Variants in UGT1A3 observed in about 807,000 individuals in gnomAD.
UGT1A3 encodes the protein UDP-glucuronosyltransferase 1A3.
Under a neutral mutation model 41.0 loss-of-function variants are expected in UGT1A3, and 31 were observed. That is an observed-to-expected ratio of 0.76 (90% confidence interval 0.57 to 1.02). The LOEUF is 1.02. Among genes scored for constraint, UGT1A3 ranks in the 50% least tolerant of loss-of-function variants. The pLI is 0.00. For synonymous variants in UGT1A3, 262 were observed against 257.6 expected (o/e 1.02, Z -0.17); for missense variants, 737 against 671.0 (o/e 1.10, Z -1.09).
chr2:233,731,057 C>A (rs1221719711), intron 1 of UGT1A3, among the ~76,000 whole-genome samples: 3 of 152,120 alleles, frequency 2.0e-5, no homozygotes, highest in Non-Finnish European at 4.4e-5. Context: ...TGTGTATGAA[C>A]TTCCATGATT....
intron 1 of UGT1A3, 122 bp from the exon 2 acceptor site, chr2:233,766,912 T>C: frequency 6.5e-7 from 1 of 1,532,250 alleles, no homozygotes; most frequent in African/African-American, 1.4e-5. Context: ...TTTTACTCTA[T>C]CTCAAACACG....
intron 1 of UGT1A3, among the ~76,000 whole-genome samples, chr2:233,738,606 A>G (rs1397968465): frequency 6.6e-6 from 1 of 152,228 alleles, no homozygotes; most frequent in Non-Finnish European, 1.5e-5. Flanking sequence ...AAGCTTTAGC[A>G]AAGAAACTCG....
chr2:233,744,522 T>A (rs1292521723), intron 1 of UGT1A3, among the ~76,000 whole-genome samples: 2 of 151,918 alleles, frequency 1.3e-5, no homozygotes, highest in Non-Finnish European at 2.9e-5. Context: ...CAATAGCAAA[T>A]CTTATTTTTA....
chr2:233,739,318 A>G (rs1691049780), intron 1 of UGT1A3, among the ~76,000 whole-genome samples: 1 of 152,136 alleles, frequency 6.6e-6, no homozygotes, highest in African/African-American at 2.4e-5. Flanking sequence ...GAGTTGTGAG[A>G]AGAAGGCCAC....
intron 1 of UGT1A3, among the ~76,000 whole-genome samples, chr2:233,765,612 G>T (rs1698887269): frequency 2.0e-5 from 3 of 151,940 alleles, no homozygotes; most frequent in Admixed American, 6.6e-5. Flanking sequence ...GTGGCGGGGT[G>T]AGGGGTGAGG....
Position 233,772,812 on chromosome 2 carries a change from C to T in UGT1A3, c.*253C>T, listed in dbSNP as rs61757316. ...ATGACATGTGCCATTTTTCAGAGGA[C>T]GTGCAGACAGGCTGGCATTCTAGAT... On this transcript the variant is annotated 3_prime_UTR_variant, in exon 5 of 5. Coordinates refer to ENST00000482026, the MANE Select transcript of UGT1A3 (RefSeq NM_019093.4). The T allele has an allele frequency of 4.4e-5, 46 of 1,035,780 alleles. No individual in the cohort carries two copies. The highest frequency in any genetic ancestry group is 6.9e-4 in the Middle Eastern group (2 of 2,918). 64.2% of individuals were successfully genotyped at this position (1,035,780 alleles called of 1,614,324 possible).
In UGT1A3 at chr2:233,772,491, T is replaced by C; in HGVS notation, c.1537T>C (p.Tyr513His). The C allele has an allele frequency of 6.2e-7, 1 of 1,614,160 alleles. No homozygotes were observed. Among genetic ancestry groups the C allele is most frequent in the South Asian group, 1.1e-5 (1 of 91,082 alleles). Reference sequence around the variant, plus strand: ...CTTCATCACCTTTAAATGTTGTGCTTATGGCTACCGGAAATGCTTGGGGAA... The same window carrying C: ...CTTCATCACCTTTAAATGTTGTGCTCATGGCTACCGGAAATGCTTGGGGAA... ...VAFITFKCCA[Y>H]GYRKCLGKKG... Residue 513 changes from tyrosine to histidine, a missense_variant, in exon 5 of 5, where the codon TAT becomes CAT. Physicochemically the swap from Tyr to His is moderately conservative, Grantham distance 83 (BLOSUM62 2). Coordinates refer to ENST00000482026, the MANE Select transcript of UGT1A3 (RefSeq NM_019093.4).
chr2:233,760,473 T>TGAC, intron 1 of UGT1A3: 1 of 1,614,230 alleles, frequency 6.2e-7, no homozygotes, highest in Non-Finnish European at 8.5e-7. Context: ...TCCTAGCACC[T>TGAC]GACGCCTCGT....
At chr2:233,735,564 G>A (rs550679567) in intron 1 of UGT1A3, among the ~76,000 whole-genome samples, 59 of 152,124 alleles carry the variant, frequency 3.9e-4, no homozygotes, top group African/African-American at 1.3e-3. Flanking sequence ...TGGTGTTATC[G>A]GGTTATTTTG....
At chr2:233,754,989 C>T (rs749655557) in intron 1 of UGT1A3, 7 of 1,296,678 alleles carry the variant, frequency 5.4e-6, no homozygotes, top group Admixed American at 1.9e-5. Context: ...GGCGGGGTCA[C>T]GGAAGCTGAA....
chr2:233,754,277 A>C (rs1263233014), intron 1 of UGT1A3: 4 of 191,024 alleles, frequency 2.1e-5, no homozygotes, highest in Admixed American at 1.6e-4. Flanking sequence ...AAGTGCTGAG[A>C]TGAACATTCT....
intron 1 of UGT1A3, among the ~76,000 whole-genome samples, chr2:233,757,818 T>C (rs527929450): frequency 1.3e-5 from 2 of 151,564 alleles, no homozygotes; most frequent in East Asian, 3.9e-4. Flanking sequence ...GAGCTGGTAG[T>C]GTGTCTGATG....
chr2:233,757,188 C>G (rs1300047445), intron 1 of UGT1A3, among the ~76,000 whole-genome samples: 1 of 150,488 alleles, frequency 6.6e-6, no homozygotes, highest in African/African-American at 2.5e-5. Flanking sequence ...GCAGAGGACT[C>G]TGAATTTTCT....
chr2:233,762,115 C>A (rs1697973235), intron 1 of UGT1A3, among the ~76,000 whole-genome samples: 1 of 152,304 alleles, frequency 6.6e-6, no homozygotes, highest in South Asian at 2.1e-4. Flanking sequence ...CGCTTCACAT[C>A]ATGAGCCATG....
At chr2:233,760,987 G>T in intron 1 of UGT1A3, 1 of 1,614,140 alleles carries the variant, frequency 6.2e-7, no homozygotes. Context: ...TGCAACCCTT[G>T]CCTCAGAATT....
At chr2:233,750,081 T>C (rs1164300379) in intron 1 of UGT1A3, among the ~76,000 whole-genome samples, 3 of 151,620 alleles carry the variant, frequency 2.0e-5, no homozygotes, top group African/African-American at 7.3e-5. Context: ...CAGGCAGAGG[T>C]TGGAACAGTT....
chr2:233,729,698 C>T lies in UGT1A3; in HGVS notation c.572C>T (p.Ser191Phe). Residue 191 changes from serine to phenylalanine, a missense_variant, in exon 1 of 5, where the codon TCC becomes TTC. Physicochemically the swap from Ser to Phe is radical, Grantham distance 155. Transcript: ENST00000482026. ...AAGGGCACACAGTGTCCAAACCCTT[C>T]CTCCTATATTCCTAGATTACTAACA... ...DFKGTQCPNPSSYIPRLLTTN... is the reference protein window; with the variant it reads ...DFKGTQCPNPFSYIPRLLTTN... The T allele has an allele frequency of 6.2e-7, 1 of 1,613,936 alleles. No homozygotes were observed. Among genetic ancestry groups the T allele is most frequent in the Non-Finnish European group, 8.5e-7 (1 of 1,179,870 alleles).
At chr2:233,730,041 T>G in intron 1 of UGT1A3, 48 bp downstream of exon 1, 1 of 1,612,628 alleles carries the variant, frequency 6.2e-7, no homozygotes, top group South Asian at 1.1e-5. Flanking sequence ...CAAAACACTT[T>G]TTAAAAAAAT....
chr2:233,771,796 C>A (rs373628815), intron 4 of UGT1A3, among the ~76,000 whole-genome samples: 1 of 151,712 alleles, frequency 6.6e-6, no homozygotes, highest in Non-Finnish European at 1.5e-5. Flanking sequence ...CCCTCCCTCC[C>A]TCCCTCCCTT....
Sources: allele counts gnomAD v4.1 joint callset (sites outside exome capture counted in the v4.1 genomes callset), GRCh38; gene constraint gnomAD v4.1.1; transcripts MANE v1.5; gene names NCBI Gene and HGNC (gene_info 2026-07-23, HGNC 2026-07-21).